Variants in PARD3 observed in about 807,000 individuals in gnomAD.
The protein encoded by PARD3 is partitioning defective 3 homolog.
A neutral mutation model predicts 155.4 loss-of-function variants in PARD3; 75 were observed. That is an observed-to-expected ratio of 0.48 (90% confidence interval 0.40 to 0.58). PARD3 has a LOEUF of 0.58. PARD3 is among the 20% of genes least tolerant of loss of function. PARD3 has a pLI of 0.00. For missense variants in PARD3, 1,642 were observed against 1,721.7 expected (o/e 0.95, Z 0.82); for synonymous variants, 576 against 610.5 (o/e 0.94, Z 0.83).
chr10:34,788,872 G>A (rs1445219038), intron 1 of PARD3, among the ~76,000 whole-genome samples: 2 of 152,144 alleles, frequency 1.3e-5, no homozygotes, highest in Non-Finnish European at 2.9e-5. Flanking sequence ...CAGAGGCAGA[G>A]AGCACTCTCC....
chr10:34,672,516 G>A (rs896536534), intron 2 of PARD3, among the ~76,000 whole-genome samples: 1 of 152,132 alleles, frequency 6.6e-6, no homozygotes, highest in African/African-American at 2.4e-5. Flanking sequence ...TATCCACTTT[G>A]TATTAATAAA....
chr10:34,542,516 T>C (rs1275780916), intron 2 of PARD3, among the ~76,000 whole-genome samples: 2 of 152,156 alleles, frequency 1.3e-5, no homozygotes, highest in African/African-American at 4.8e-5. Flanking sequence ...AGAAACCCCA[T>C]TATAGGAGAC....
intron 6 of PARD3, among the ~76,000 whole-genome samples, chr10:34,399,792 C>T (rs758557370): frequency 2.8e-4 from 42 of 152,186 alleles, no homozygotes; most frequent in Non-Finnish European, 5.3e-4. Context: ...CCAACACTCA[C>T]GTCAAGGACT....
At chr10:34,350,397 C>A (rs905527199) in intron 14 of PARD3, among the ~76,000 whole-genome samples, 1 of 152,164 alleles carries the variant, frequency 6.6e-6, no homozygotes, top group Non-Finnish European at 1.5e-5. Flanking sequence ...GTAATCCCAG[C>A]ACTTTGGAAG....
At chr10:34,374,291 G>A (rs1196095423) in intron 11 of PARD3, among the ~76,000 whole-genome samples, 1 of 152,156 alleles carries the variant, frequency 6.6e-6, no homozygotes, top group South Asian at 2.1e-4. Flanking sequence ...GGTTGCAAAA[G>A]TTGTAAATGC....
chr10:34,707,827 C>T (rs976375746), intron 1 of PARD3, among the ~76,000 whole-genome samples: 1 of 152,152 alleles, frequency 6.6e-6, no homozygotes, highest in Non-Finnish European at 1.5e-5. Flanking sequence ...ATCTTTAGAC[C>T]AGAACCCTCC....
intron 10 of PARD3, 102 bp downstream of exon 10, chr10:34,377,865 T>C (rs879220090): frequency 5.6e-6 from 5 of 887,976 alleles, no homozygotes; most frequent in Non-Finnish European, 8.2e-6. Flanking sequence ...CTAAAATGTA[T>C]ATAACTGAAT....
intron 23 of PARD3, 61 bp downstream of exon 23, chr10:34,131,402 G>C: frequency 1.3e-6 from 2 of 1,599,206 alleles, no homozygotes; most frequent in Non-Finnish European, 1.7e-6. Flanking sequence ...TCATAGCTTA[G>C]TGGCCTTTGC....
chr10:34,301,821 T>TC (rs1554826239), intron 20 of PARD3, among the ~76,000 whole-genome samples: 30 of 122,270 alleles, frequency 2.5e-4, no homozygotes, highest in East Asian at 9.8e-4. Flanking sequence ...CTCCTTTCTT[T>TC]TTTTTTTTTT....
chr10:34,390,357 C>A (rs1842768420), intron 7 of PARD3, among the ~76,000 whole-genome samples: 1 of 152,030 alleles, frequency 6.6e-6, no homozygotes, highest in Non-Finnish European at 1.5e-5. Context: ...ACCTAGAATA[C>A]CAAGCACCAG....
At chr10:34,451,773 GTTTT>G (rs5784419) in intron 4 of PARD3, among the ~76,000 whole-genome samples, 1 of 141,266 alleles carries the variant, frequency 7.1e-6, no homozygotes, top group African/African-American at 2.6e-5. Context: ...TTAGCAGCAA[GTTTT>G]TTTTTTTTTT....
chr10:34,509,582 C>T (rs1335596502), intron 3 of PARD3, among the ~76,000 whole-genome samples: 1 of 151,910 alleles, frequency 6.6e-6, no homozygotes, highest in Non-Finnish European at 1.5e-5. Flanking sequence ...CCATGAAAAT[C>T]AATTCAATGA....
intron 2 of PARD3, among the ~76,000 whole-genome samples, chr10:34,629,457 A>G (rs1490206071): frequency 6.6e-6 from 1 of 152,242 alleles, no homozygotes; most frequent in Non-Finnish European, 1.5e-5. Context: ...GCATGTGCAC[A>G]CACACACACA....
chr10:34,376,291 T>G (rs1305302073), intron 10 of PARD3, among the ~76,000 whole-genome samples: 1 of 152,206 alleles, frequency 6.6e-6, no homozygotes, highest in Non-Finnish European at 1.5e-5. Flanking sequence ...TCTTTCTCAC[T>G]GCTTTAAAAT....
chr10:34,605,893 T>C (rs2090342113), intron 2 of PARD3, among the ~76,000 whole-genome samples: 1 of 110,168 alleles, frequency 9.1e-6, no homozygotes, highest in Non-Finnish European at 1.7e-5. Flanking sequence ...CTCCTATATA[T>C]ATATCTCCTA....
chr10:34,438,230 AG>A (rs2076285817), intron 5 of PARD3, among the ~76,000 whole-genome samples: 1 of 152,246 alleles, frequency 6.6e-6, no homozygotes, highest in African/African-American at 2.4e-5. Context: ...TGCACAAGAA[AG>A]GCTGTGCTCT....
intron 2 of PARD3, among the ~76,000 whole-genome samples, chr10:34,567,298 A>G (rs565040748): frequency 2.0e-5 from 3 of 152,344 alleles, no homozygotes; most frequent in African/African-American, 7.2e-5. Context: ...CTAATCCACT[A>G]TACAATTTTT....
chr10:34,241,383 G>A (rs1953583222), intron 22 of PARD3, among the ~76,000 whole-genome samples: 1 of 152,148 alleles, frequency 6.6e-6, no homozygotes, highest in South Asian at 2.1e-4. Context: ...AGTGAACACT[G>A]GGGAGCACCG....
In PARD3 at chr10:34,530,186, A is replaced by T. The variant is rs557526196; in HGVS notation, c.223-13027T>A. On this transcript the variant is annotated intron_variant, in intron 2 of 24. Coordinates refer to ENST00000374788, the MANE Select transcript of PARD3 (RefSeq NM_001184785.2). ...TGGAGAAGGTGGAAAGGGAGGCAGG[A>T]GAGACAGGCACCACTGTGTCACTTT... Among the ~76,000 whole-genome samples, 14 of 152,296 alleles carry T rather than the reference A, an allele frequency of 9.2e-5. No individual in the cohort carries two copies. The South Asian group carries it at 1.7e-3, about 18-fold the overall frequency.
Sources: gnomAD v4.1 joint callset for allele counts (sites outside exome capture counted in the v4.1 genomes callset) on GRCh38, gnomAD v4.1.1 for gene constraint, MANE v1.5 for transcripts, NCBI Gene and HGNC (gene_info 2026-07-23, HGNC 2026-07-21) for gene names.